NOTCH4: variants seen among roughly 807,000 people sequenced by gnomAD.
NOTCH4 encodes the protein neurogenic locus notch homolog protein 4.
A neutral mutation model predicts 189.0 loss-of-function variants in NOTCH4; 138 were observed. The observed-to-expected ratio is 0.73, with a 90% CI of 0.64 to 0.84. The LOEUF (loss-of-function observed/expected upper bound fraction) is 0.84. Among genes scored for constraint, NOTCH4 ranks in the 40% least tolerant of loss-of-function variants. The probability of loss-of-function intolerance (pLI) is 0.00; values close to 1 mark genes in which losing one functional copy is unlikely to be tolerated. For missense variants in NOTCH4, 2,286 were observed against 2,605.4 expected, an observed-to-expected ratio of 0.88 and a Z score of 2.67; for synonymous variants, 942 against 1,032.8, an observed-to-expected ratio of 0.91 and a Z score of 1.69.
chr6:32,205,645 A>G (rs1788631594), intron 18 of NOTCH4, among the ~76,000 whole-genome samples: 1 of 151,424 alleles, frequency 6.6e-6, no homozygotes, highest in Non-Finnish European at 1.5e-5. Context: ...TTTATGTTTG[A>G]AAATGTTCAT....
In NOTCH4 at chr6:32,221,547, G is replaced by C. The variant is rs1214891922; in HGVS notation, c.452-222C>G. On this transcript the variant is annotated intron_variant, in intron 3 of 29. Transcript: ENST00000375023. The surrounding 1 kb of genome is among the most constrained non-coding windows in gnomAD (Gnocchi z 4.3). Reference sequence around the variant, plus strand: ...ACCATATCTTCTAAAGTGATGATGAGAGTATTGCAAATTGGCCTTGCCTGA... The same window carrying C: ...ACCATATCTTCTAAAGTGATGATGACAGTATTGCAAATTGGCCTTGCCTGA... Among the ~76,000 whole-genome samples the C allele has an allele frequency of 1.3e-5, 2 of 152,158 alleles. No individual in the cohort carries two copies. Among genetic ancestry groups the C allele is most frequent in the African/African-American group, 4.8e-5 (2 of 41,432 alleles).
At chr6:32,215,446 G>A (rs2127480971) in intron 11 of NOTCH4, 61 bp from the exon 12 acceptor site, 1 of 1,497,206 alleles carries the variant, frequency 6.7e-7, no homozygotes, top group Non-Finnish European at 9.0e-7. Context: ...TTGGGCCAAA[G>A]CCACATCCTT....
chr6:32,196,513 A>C (rs1017847962), intron 28 of NOTCH4, 92 bp from the exon 29 acceptor site: 1 of 1,488,822 alleles, frequency 6.7e-7, no homozygotes, highest in Non-Finnish European at 9.1e-7. Flanking sequence ...GGGAAGGGCT[A>C]TTCGGGCCGG....
Position 32,199,169 on chromosome 6 carries a change from AAGAG to A in NOTCH4, c.4316-28_4316-25del. On this transcript the variant is annotated intron_variant, in intron 23 of 29. Transcript: ENST00000375023. This position sits in a 1 kb window ranked among gnomAD's most constrained non-coding sequence, Gnocchi z 4.9. Reference sequence around the variant, plus strand: ...TGCTGGTGGGAGAGACAGAGTCACAAAGAGAGGCCACTCCTGGTGAGACTGATTA... The same window carrying A: ...TGCTGGTGGGAGAGACAGAGTCACAAAGGCCACTCCTGGTGAGACTGATTA... 3.9e-6 allele frequency: 6 copies of A among 1,526,080 alleles called. No individual in the cohort carries two copies. Among genetic ancestry groups the A allele is most frequent in the Non-Finnish European group, 5.3e-6 (6 of 1,130,212 alleles). The allele number at this position is 1,526,080 out of a possible 1,614,324, so 94.5% of individuals were successfully genotyped here.
chr6:32,216,029 ATT>A lies in NOTCH4; in HGVS notation c.1862-646_1862-645del, dbSNP rs28359853. ...GCCACCACGCCTGGCTAATTTTTGT[ATT>A]TTTTTTTTTTTTTGAGGTGGAGTCT... On this transcript the variant is annotated intron_variant, in intron 11 of 29. Coordinates refer to ENST00000375023, the MANE Select transcript of NOTCH4 (RefSeq NM_004557.4). 3.0e-3 allele frequency: 327 copies of A among 107,832 alleles called. 12 individuals are homozygous for A. The East Asian group carries it at 0.064, about 21-fold the overall frequency. The allele number at this position is 107,832 out of a possible 1,614,324, so 6.7% of individuals were successfully genotyped here.
chr6:32,202,665 A>G lies in NOTCH4; in HGVS notation c.3232-66T>C. 6.9e-7 allele frequency: 1 copy of G among 1,443,562 alleles called. No individual in the cohort carries two copies. Among genetic ancestry groups the G allele is most frequent in the Non-Finnish European group, 9.2e-7 (1 of 1,082,592 alleles). The allele number at this position is 1,443,562 out of a possible 1,614,324, so 89.4% of individuals were successfully genotyped here. A position where few individuals can be genotyped will look rare whatever the true frequency, so the allele number is the denominator to read the frequency against. ...TATTCTTCCCGCTCTCCATCAAGCA[A>G]ACTCTTGGGTTAAGACGGTGCAGAG... On this transcript the variant is annotated intron_variant, in intron 20 of 29. Coordinates refer to ENST00000375023, the MANE Select transcript of NOTCH4 (RefSeq NM_004557.4). This position sits in a 1 kb window ranked among gnomAD's most constrained non-coding sequence, Gnocchi z 5.7.
chr6:32,215,790 TTCC>T (rs956551467), intron 11 of NOTCH4: 118 of 169,900 alleles, frequency 6.9e-4, no homozygotes, highest in African/African-American at 2.8e-3. Context: ...CTTTCTCTCT[TTCC>T]TCATTTCCTC....
Position 32,217,126 on chromosome 6 carries a change from T to TCCC in NOTCH4, c.1738+24_1738+26dup. On this transcript the variant is annotated intron_variant, in intron 10 of 29. Coordinates refer to ENST00000375023, the MANE Select transcript of NOTCH4 (RefSeq NM_004557.4). The surrounding 1 kb of genome is among the most constrained non-coding windows in gnomAD (Gnocchi z 4.2). ...GGATGTCTGCCTCCTGCTCCCGCTG[T>TCCC]CCCCCACAGTGTGTGCCCCAGTTTA... The TCCC allele has an allele frequency of 6.2e-7, 1 of 1,612,910 alleles. No homozygotes were observed.
chr6:32,195,797 T>G lies in NOTCH4; in HGVS notation c.5652A>C (p.Val1884=), dbSNP rs765301116. ...CCCCGCCCCCCCGCGCAGCCAAGTC[T>G]ACGGACCAAGTCCGAGCCTGCAGAC... ...GACLQARTWS[V]DLAARGGGAY... is the part of the protein sequence containing the mutation. The change falls in exon 30 of 30, where the codon GTA becomes GTC. Residue 1884 remains valine (V), a synonymous_variant. Coordinates refer to ENST00000375023, the MANE Select transcript of NOTCH4 (RefSeq NM_004557.4). The surrounding 1 kb of genome is among the most constrained non-coding windows in gnomAD (Gnocchi z 5.4). 1 of 1,604,628 alleles carries G rather than the reference T, an allele frequency of 6.2e-7. No individual in the cohort carries two copies. Among genetic ancestry groups the G allele is most frequent in the South Asian group, 1.1e-5 (1 of 90,974 alleles).
chr6:32,223,741 A>C, intron 1 of NOTCH4, 115 bp downstream of exon 1: 1 of 1,055,532 alleles, frequency 9.5e-7, no homozygotes, highest in South Asian at 1.5e-5. Flanking sequence ...GGCAGTGAGA[A>C]TCTCCTCCAT....
Position 32,197,005 on chromosome 6 carries a change from A to G in NOTCH4, c.5120T>C (p.Leu1707Pro). 6.2e-7 allele frequency: 1 copy of G among 1,613,044 alleles called. No homozygotes were observed. Among genetic ancestry groups the G allele is most frequent in the Non-Finnish European group, 8.5e-7 (1 of 1,180,040 alleles). ...GTCTTCCACCGCCAGCCTGGCAGCC[A>G]GCATCAAGGGTGTGGTCCCGTCCTC... Reference protein sequence around the residue: ...RTEDGTTPLMLAARLAVEDLV... With the variant: ...RTEDGTTPLMPAARLAVEDLV... The change falls in exon 28 of 30, where the codon CTG becomes CCG. Residue 1707 changes from leucine to proline, a missense_variant. Physicochemically the swap from Leu to Pro is moderately conservative, Grantham distance 98. Transcript: ENST00000375023.
Position 32,212,322 on chromosome 6 carries a change from A to G in NOTCH4, c.2680+152T>C, listed in dbSNP as rs1245405313. 9.9e-6 allele frequency: 7 copies of G among 704,062 alleles called. No individual in the cohort carries two copies. Among genetic ancestry groups the G allele is most frequent in the Admixed American group, 6.2e-5 (2 of 32,046 alleles). The allele number at this position is 704,062 out of a possible 1,614,324, so 43.6% of individuals were successfully genotyped here. A position where few individuals can be genotyped will look rare whatever the true frequency, so the allele number is the denominator to read the frequency against. ...GGCTTCTCTGATTGCACAATTCAAC[A>G]CCTCTGCAATCAAGAACTGATTTGT... On this transcript the variant is annotated intron_variant, in intron 17 of 29. Transcript: ENST00000375023. The surrounding 1 kb of genome is among the most constrained non-coding windows in gnomAD (Gnocchi z 4.4).
intron 8 of NOTCH4, among the ~76,000 whole-genome samples, chr6:32,218,785 C>T (rs982420205): frequency 3.3e-5 from 5 of 152,054 alleles, no homozygotes; most frequent in South Asian, 2.1e-4. Context: ...CTTTGGGTGC[C>T]GCTCAGTTTA....
chr6:32,196,425 G>C lies in NOTCH4; in HGVS notation c.5201-4C>G, dbSNP rs1208884968. On this transcript the variant is annotated splice_polypyrimidine_tract_variant and splice_region_variant and intron_variant, in intron 28 of 29. Coordinates refer to ENST00000375023, the MANE Select transcript of NOTCH4 (RefSeq NM_004557.4). ...GCCCAGTGCAGCGCAGTTTTCCCTA[G>C]GGGACGACGTGGGAGGTTGTTACCC... 6.2e-7 allele frequency: 1 copy of C among 1,612,834 alleles called. No individual in the cohort carries two copies. Among genetic ancestry groups the C allele is most frequent in the Admixed American group, 1.7e-5 (1 of 59,986 alleles).
chr6:32,201,665 C>T lies in NOTCH4; in HGVS notation c.3756-165G>A. 1 of 542,338 alleles carries T rather than the reference C, an allele frequency of 1.8e-6. No individual in the cohort carries two copies. The highest frequency in any genetic ancestry group is 3.0e-6 in the Non-Finnish European group (1 of 338,202). 33.6% of individuals were successfully genotyped at this position (542,338 alleles called of 1,614,324 possible). A position where few individuals can be genotyped will look rare whatever the true frequency, so the allele number is the denominator to read the frequency against. On this transcript the variant is annotated intron_variant, in intron 21 of 29. Coordinates refer to ENST00000375023, the MANE Select transcript of NOTCH4 (RefSeq NM_004557.4). The surrounding 1 kb of genome is among the most constrained non-coding windows in gnomAD (Gnocchi z 5.5). ...CAAGTCCTGGATGGTAGTCCAGACA[C>T]CCCAATGTCTGCTAACACCCCTGTC...
In NOTCH4 at chr6:32,196,100, G is replaced by A. The variant is rs1343921953; in HGVS notation, c.5349C>T (p.Ala1783=). Residue 1783 remains alanine (A), a synonymous_variant, in exon 30 of 30, where the codon GCC becomes GCT. Transcript: ENST00000375023. ...CTGCCCCCAGCCCCAGCAGTAGCTG[G>A]GCTACTTCCACCGCTCCTTCCCGCG... ...LAAREGAVEV[A]QLLLGLGAAR... 6.3e-7 allele frequency: 1 copy of A among 1,592,646 alleles called. No individual in the cohort carries two copies. Among genetic ancestry groups the A allele is most frequent in the Non-Finnish European group, 8.5e-7 (1 of 1,176,704 alleles).
chr6:32,201,312 A>G lies in NOTCH4; in HGVS notation c.3944T>C (p.Leu1315Pro). Residue 1315 changes from leucine to proline, a missense_variant, in exon 22 of 30, where the codon CTG becomes CCG. Leu to Pro is a moderately conservative substitution (Grantham distance 98). Coordinates refer to ENST00000375023, the MANE Select transcript of NOTCH4 (RefSeq NM_004557.4). This position sits in a 1 kb window ranked among gnomAD's most constrained non-coding sequence, Gnocchi z 5.5. ...PPALDQQLFA[L>P]ARVLSLTLRV... ...CAGAGTCAGGGACAGCACCCGGGCC[A>G]GGGCAAACAGCTGCTGGTCTAGGGC... The G allele has an allele frequency of 1.2e-6, 2 of 1,612,832 alleles. No individual in the cohort carries two copies. Among genetic ancestry groups the G allele is most frequent in the Non-Finnish European group, 1.7e-6 (2 of 1,179,884 alleles).
Position 32,200,007 on chromosome 6 carries a change from T to C in NOTCH4, c.4315+824A>G, listed in dbSNP as rs1308626270. ...GGAAATGCTCATTGTAGCATTTGGA[T>C]GTTGTATTAGGGATGCTGAACCAGT... is the stretch of plus-strand genomic sequence containing the variant. On this transcript the variant is annotated intron_variant, in intron 23 of 29. Coordinates refer to ENST00000375023, the MANE Select transcript of NOTCH4 (RefSeq NM_004557.4). This position sits in a 1 kb window ranked among gnomAD's most constrained non-coding sequence, Gnocchi z 5.0. Among the ~76,000 whole-genome samples the C allele has an allele frequency of 6.6e-6, 1 of 152,162 alleles. No homozygotes were observed. The highest frequency in any genetic ancestry group is 1.9e-4 in the East Asian group (1 of 5,196).
At position 32,199,732 on chromosome 6, in the gene NOTCH4, T is replaced by G. The variant is rs1282585570; in HGVS notation, c.4316-587A>C. On this transcript the variant is annotated intron_variant, in intron 23 of 29. Transcript: ENST00000375023. This position sits in a 1 kb window ranked among gnomAD's most constrained non-coding sequence, Gnocchi z 4.9. ...CAAAACAAAACAAAAACAAAAAAAA[T>G]TATCAGGGCATGGTGGCATGCCATT... Among the ~76,000 whole-genome samples, 3 of 104,136 alleles carry G rather than the reference T, an allele frequency of 2.9e-5. No homozygotes were observed. The highest frequency in any genetic ancestry group is 1.1e-4 in the African/African-American group (3 of 27,852). 68.3% of individuals were successfully genotyped at this position (104,136 alleles called of 152,430 possible). A position where few individuals can be genotyped will look rare whatever the true frequency, so the allele number is the denominator to read the frequency against.
Sources: allele counts gnomAD v4.1 joint callset (sites outside exome capture counted in the v4.1 genomes callset), GRCh38; gene constraint gnomAD v4.1.1; non-coding constraint Gnocchi (gnomAD v3.1); transcripts MANE v1.5; gene names NCBI Gene and HGNC (gene_info 2026-07-23, HGNC 2026-07-21).